RYR3: variants seen among roughly 807,000 people sequenced by gnomAD.
The protein encoded by RYR3 is brain ryanodine receptor-calcium release channel.
RYR3 carries 207 observed loss-of-function variants against 584.3 expected under a neutral mutation model. The ratio of observed to expected loss-of-function variants is 0.35; its 90% CI spans 0.32 to 0.40. The LOEUF is 0.40. Among genes scored for constraint, RYR3 ranks in the 10% least tolerant of loss-of-function variants. RYR3 has a pLI of 1.00. For synonymous variants in RYR3, 2,416 were observed against 2,248.5 expected (o/e 1.07, Z -2.11); for missense variants, 5,616 against 6,089.2 (o/e 0.92, Z 2.59).
At chr15:33,807,617 T>A in intron 70 of RYR3, 48 bp downstream of exon 70, 7 of 1,534,950 alleles carry the variant, frequency 4.6e-6, no homozygotes, top group Non-Finnish European at 6.2e-6. Flanking sequence ...GTATTAGAGG[T>A]GCCGGGCTCT....
In RYR3 at chr15:33,540,759, T is replaced by C. The variant is rs771415613; in HGVS notation, c.547-32T>C. 4 of 1,403,632 alleles carry C rather than the reference T, an allele frequency of 2.8e-6. No individual in the cohort carries two copies. The East Asian group carries it at 9.1e-5, about 32-fold the overall frequency. 86.9% of individuals were successfully genotyped at this position (1,403,632 alleles called of 1,614,324 possible). A position where few individuals can be genotyped will look rare whatever the true frequency, so the allele number is the denominator to read the frequency against. ...TTCTGTCGGCACTGGACTGGTGATTTAAAAGATGTCTCATTTCTGTTTCTG... is the reference window on the plus strand; with the variant it reads ...TTCTGTCGGCACTGGACTGGTGATTCAAAAGATGTCTCATTTCTGTTTCTG... On this transcript the variant is annotated intron_variant, in intron 6 of 103. Transcript: ENST00000634891.
intron 1 of RYR3, among the ~76,000 whole-genome samples, chr15:33,405,514 C>T (rs2042961530): frequency 6.6e-6 from 1 of 152,156 alleles, no homozygotes; most frequent in Non-Finnish European, 1.5e-5. Context: ...CCTTGGCATG[C>T]TGATGTATTT....
chr15:33,805,622 T>C (rs565272833), intron 69 of RYR3, among the ~76,000 whole-genome samples: 9,047 of 151,656 alleles, frequency 0.06, 458 homozygotes, highest in African/African-American at 0.14. Context: ...GGACTACAGG[T>C]GCCCGCCACC....
chr15:33,785,300 C>T (rs2152907499), intron 65 of RYR3, among the ~76,000 whole-genome samples: 1 of 152,252 alleles, frequency 6.6e-6, no homozygotes, highest in East Asian at 1.9e-4. Context: ...ACTGATTTTC[C>T]TGCAGGGGAC....
At chr15:33,813,082 G>A in intron 73 of RYR3, 88 bp downstream of exon 73, 1 of 1,532,550 alleles carries the variant, frequency 6.5e-7, no homozygotes, top group Non-Finnish European at 8.9e-7. Context: ...TCAGGTACAA[G>A]TGCCCTCATA....
At chr15:33,436,859 T>G (rs554300413) in intron 1 of RYR3, among the ~76,000 whole-genome samples, 1 of 152,322 alleles carries the variant, frequency 6.6e-6, no homozygotes, top group South Asian at 2.1e-4. Context: ...AAGTTATTTA[T>G]TTTTTGTTTT....
At chr15:33,499,607 A>G (rs999581074) in intron 2 of RYR3, among the ~76,000 whole-genome samples, 2 of 152,186 alleles carry the variant, frequency 1.3e-5, no homozygotes, top group African/African-American at 4.8e-5. Context: ...TTTGTTAAAT[A>G]TTTACTGTAC....
intron 102 of RYR3, among the ~76,000 whole-genome samples, chr15:33,863,427 C>CTCAGAAGGACATAATTTCTACTT (rs1889249151): frequency 6.6e-6 from 1 of 151,954 alleles, no homozygotes; most frequent in African/African-American, 2.4e-5. Context: ...ACTCTCCACC[C>CTCAGAAGGACATAATTTCTACTT]TCAGAAGGAC....
At chr15:33,642,036 A>G (rs2061856904) in intron 27 of RYR3, among the ~76,000 whole-genome samples, 2 of 152,160 alleles carry the variant, frequency 1.3e-5, no homozygotes, top group African/African-American at 4.8e-5. Context: ...GGTCAAGTCC[A>G]TTAACTCCTC....
At position 33,706,855 on chromosome 15, in the gene RYR3, A is replaced by G. The variant is rs942640924; in HGVS notation, c.6484-64A>G. Reference sequence around the variant, plus strand: ...CTCAACCAACACTTGTTATTTTTTGAGGTGTGTTTTTTAATAGCCATCCTA... The same window carrying G: ...CTCAACCAACACTTGTTATTTTTTGGGGTGTGTTTTTTAATAGCCATCCTA... On this transcript the variant is annotated intron_variant, in intron 42 of 103. Transcript: ENST00000634891. 3.4e-6 allele frequency: 5 copies of G among 1,461,448 alleles called. No individual in the cohort carries two copies. In the Admixed American group the frequency reaches 8.9e-5, roughly 26 times the overall value. The allele number at this position is 1,461,448 out of a possible 1,614,324, so 90.5% of individuals were successfully genotyped here.
intron 64 of RYR3, 143 bp downstream of exon 64, chr15:33,773,758 GA>G: frequency 1.5e-6 from 1 of 662,306 alleles, no homozygotes; most frequent in East Asian, 2.7e-5. Context: ...CCTTGTTTAT[GA>G]CATGCTTTTG....
chr15:33,852,874 C>A, intron 94 of RYR3, 171 bp from the exon 95 acceptor site: 2 of 614,178 alleles, frequency 3.3e-6, no homozygotes. Flanking sequence ...CCATACATGA[C>A]TCAGTAGAGC....
At chr15:33,725,974 C>CCCCCA (rs1555427644) in intron 45 of RYR3, among the ~76,000 whole-genome samples, 1 of 37,622 alleles carries the variant, frequency 2.7e-5, no homozygotes, top group Non-Finnish European at 5.7e-5. Context: ...CATCCCCCCC[C>CCCCCA]CCAAAAAAAA....
chr15:33,321,601 T>C (rs1213944973), intron 1 of RYR3, among the ~76,000 whole-genome samples: 1 of 152,236 alleles, frequency 6.6e-6, no homozygotes, highest in Non-Finnish European at 1.5e-5. Flanking sequence ...ACCTTGTTTT[T>C]GATTAGTTTG....
intron 23 of RYR3, among the ~76,000 whole-genome samples, 188 bp from the exon 24 acceptor site, chr15:33,632,761 G>A (rs2061331807): frequency 6.6e-6 from 1 of 152,190 alleles, no homozygotes; most frequent in Non-Finnish European, 1.5e-5. Flanking sequence ...TTGGGAAGAA[G>A]GATGGTAGAT....
rs1164058814 is a variant in RYR3, at chr15:33,662,243, G to C, written c.4713G>C (p.Leu1571=). 3 of 1,609,592 alleles carry C rather than the reference G, an allele frequency of 1.9e-6. No homozygotes were observed. The South Asian group carries it at 3.3e-5, about 18-fold the overall frequency. ...GGCTCTACAGCGCGGTGTGCGCCCT[G>C]GGAAACAGCCGCGTGGCCTACGCCC... ...TLRLYSAVCA[L]GNSRVAYALC... is the part of the protein sequence containing the mutation. Residue 1571 remains leucine, a synonymous_variant, in exon 35 of 104, where the codon CTG becomes CTC. Coordinates refer to ENST00000634891, the MANE Select transcript of RYR3 (RefSeq NM_001036.6).
intron 11 of RYR3, among the ~76,000 whole-genome samples, chr15:33,565,339 A>G (rs969833413): frequency 1.4e-4 from 21 of 152,222 alleles, no homozygotes; most frequent in African/African-American, 4.6e-4. Context: ...ACAAAGTAAT[A>G]TTTTCTAACA....
Position 33,623,552 on chromosome 15 carries a change from C to T in RYR3, c.2358-255C>T, listed in dbSNP as rs181210684. On this transcript the variant is annotated intron_variant, in intron 19 of 103. Transcript: ENST00000634891. ...GTACAGATAAACTTGGTTCTAAAAA[C>T]CTAGTGGTTTATGTATATAAATGTT... is the stretch of plus-strand genomic sequence containing the variant. 5.3e-5 allele frequency among the ~76,000 whole-genome samples: 8 copies of T among 152,180 alleles called. No homozygotes were observed. The East Asian group carries it at 1.5e-3, about 29-fold the overall frequency.
intron 87 of RYR3, among the ~76,000 whole-genome samples, chr15:33,836,189 C>CT (rs11461342): frequency 0.95 from 137,497 of 144,972 alleles, 65,534 homozygotes; most frequent in Non-Finnish European, 0.99. Context: ...CTTTTCTTTC[C>CT]TTTTTTTTGT....
Sources: gnomAD v4.1 joint callset for allele counts (sites outside exome capture counted in the v4.1 genomes callset) on GRCh38, gnomAD v4.1.1 for gene constraint, MANE v1.5 for transcripts, NCBI Gene and HGNC (gene_info 2026-07-23, HGNC 2026-07-21) for gene names.